The following LRP1B variants were observed in gnomAD, a reference collection of about 807,000 sequenced individuals.
The protein encoded by LRP1B is low-density lipoprotein receptor-related protein 1B.
In LRP1B, 217 loss-of-function variants were observed where a neutral mutation model predicts 556.6. That is an observed-to-expected ratio of 0.39 (90% confidence interval 0.35 to 0.44). The LOEUF (loss-of-function observed/expected upper bound fraction) is 0.44, where lower values mean the gene tolerates loss of function less well. Ranked by LOEUF, LRP1B falls within the 20% of genes least tolerant of loss-of-function variation. The pLI is 1.00. For synonymous variants in LRP1B, 2,047 were observed against 1,865.8 expected (o/e 1.10, Z -2.50); for missense variants, 5,053 against 5,620.8 (o/e 0.90, Z 3.23).
At chr2:141,444,839 T>C (rs1026269758) in intron 3 of LRP1B, among the ~76,000 whole-genome samples, 1 of 152,240 alleles carries the variant, frequency 6.6e-6, no homozygotes, top group Non-Finnish European at 1.5e-5. Context: ...CAGTATTTTA[T>C]TGAGGATTTT....
At position 141,240,235 on chromosome 2, in the gene LRP1B, C is replaced by G. The variant is rs111605290; in HGVS notation, c.592+6991G>C. 2.2e-3 allele frequency among the ~76,000 whole-genome samples: 342 copies of G among 152,222 alleles called. 4 individuals carry two copies. The highest frequency in any genetic ancestry group is 7.4e-3 in the African/African-American group (308 of 41,568). Reference sequence around the variant, plus strand: ...TATCTCTGTCAAAGGCAATTATGCTCTCCAGGGGAAGGAGTGCCCAAAGGG... The same window carrying G: ...TATCTCTGTCAAAGGCAATTATGCTGTCCAGGGGAAGGAGTGCCCAAAGGG... On this transcript the variant is annotated intron_variant, in intron 5 of 90. Coordinates refer to ENST00000389484, the MANE Select transcript of LRP1B (RefSeq NM_018557.3).
chr2:140,598,906 G>A, intron 42 of LRP1B, 71 bp from the exon 43 acceptor site: 1 of 921,544 alleles, frequency 1.1e-6, no homozygotes, highest in South Asian at 1.5e-5. Flanking sequence ...TAGAAACATG[G>A]CAATACCAAG....
intron 35 of LRP1B, among the ~76,000 whole-genome samples, chr2:140,752,212 G>T (rs1029468951): frequency 6.6e-6 from 1 of 152,006 alleles, no homozygotes; most frequent in East Asian, 1.9e-4. Context: ...TACTAAGAAG[G>T]CTGAGGCAGA....
intron 7 of LRP1B, among the ~76,000 whole-genome samples, chr2:141,074,557 T>TCTC (rs1699731136): frequency 3.0e-5 from 3 of 99,200 alleles, no homozygotes; most frequent in African/African-American, 1.0e-4. Flanking sequence ...TTCTTTCTCT[T>TCTC]TCTGTCTCTC....
intron 82 of LRP1B, among the ~76,000 whole-genome samples, chr2:140,317,951 T>C (rs1289171827): frequency 6.7e-6 from 1 of 149,552 alleles, no homozygotes; most frequent in Non-Finnish European, 1.5e-5. Flanking sequence ...GCTGCTTTTG[T>C]CAATAACTAA....
intron 1 of LRP1B, among the ~76,000 whole-genome samples, chr2:141,913,287 C>A (rs1337611492): frequency 6.6e-6 from 1 of 151,926 alleles, no homozygotes; most frequent in Non-Finnish European, 1.5e-5. Flanking sequence ...TTGATTGGAC[C>A]CTGGTTGAAT....
chr2:140,889,935 C>A (rs1693749304), intron 23 of LRP1B, among the ~76,000 whole-genome samples: 1 of 152,082 alleles, frequency 6.6e-6, no homozygotes, highest in South Asian at 2.1e-4. Context: ...AACTTGTGTA[C>A]ATTTTCATAT....
chr2:141,987,116 A>G (rs1702213502), intron 1 of LRP1B, among the ~76,000 whole-genome samples: 1 of 150,976 alleles, frequency 6.6e-6, no homozygotes, highest in African/African-American at 2.4e-5. Context: ...CTTTATCTCC[A>G]GCATGAAACA....
intron 41 of LRP1B, among the ~76,000 whole-genome samples, chr2:140,682,899 C>T (rs553854113): frequency 2.6e-5 from 4 of 152,250 alleles, no homozygotes; most frequent in South Asian, 2.1e-4. Context: ...TTCAGATATA[C>T]ATTTCAGAAA....
Position 140,409,109 on chromosome 2 carries a change from G to T in LRP1B, c.10415-23100C>A, listed in dbSNP as rs115476582. Among the ~76,000 whole-genome samples the T allele has an allele frequency of 2.1e-3, 315 of 152,028 alleles. 1 individual carries two copies. Among genetic ancestry groups the T allele is most frequent in the Middle Eastern group, 6.8e-3 (2 of 294 alleles). ...ATTAAAAATGGAGATTTGAAGGATT[G>T]CTAAAGGATTACAACATAGAGAAAT... On this transcript the variant is annotated intron_variant, in intron 66 of 90. Coordinates refer to ENST00000389484, the MANE Select transcript of LRP1B (RefSeq NM_018557.3).
At chr2:140,805,977 G>A in intron 32 of LRP1B, among the ~76,000 whole-genome samples, 1 of 152,022 alleles carries the variant, frequency 6.6e-6, no homozygotes, top group East Asian at 1.9e-4. Context: ...ATTGAAGAGT[G>A]GGATCTTTGG....
At chr2:140,822,548 A>C (rs903477282) in intron 31 of LRP1B, among the ~76,000 whole-genome samples, 2 of 152,248 alleles carry the variant, frequency 1.3e-5, no homozygotes, top group African/African-American at 4.8e-5. Flanking sequence ...TTGCCATTTC[A>C]AAGCAATTAA....
At chr2:141,407,553 G>A (rs1690687435) in intron 3 of LRP1B, among the ~76,000 whole-genome samples, 1 of 152,076 alleles carries the variant, frequency 6.6e-6, no homozygotes, top group African/African-American at 2.4e-5. Context: ...GGTGGTAAGT[G>A]AGCACTCTCT....
chr2:141,246,539 T>A (rs563793209), intron 5 of LRP1B, among the ~76,000 whole-genome samples: 1 of 152,354 alleles, frequency 6.6e-6, no homozygotes, highest in East Asian at 1.9e-4. Flanking sequence ...ATTATATAAA[T>A]AATTAATTTT....
At chr2:141,091,536 G>T (rs1448563139) in intron 7 of LRP1B, among the ~76,000 whole-genome samples, 1 of 152,072 alleles carries the variant, frequency 6.6e-6, no homozygotes, top group Non-Finnish European at 1.5e-5. Context: ...CCAAAGTTGT[G>T]CACGTGAGGT....
At chr2:140,722,935 C>A (rs913568007) in intron 35 of LRP1B, among the ~76,000 whole-genome samples, 1 of 151,896 alleles carries the variant, frequency 6.6e-6, no homozygotes, top group Non-Finnish European at 1.5e-5. Context: ...CCCAGCTACT[C>A]GGGAGGCTGA....
chr2:141,511,364 C>T lies in LRP1B; in HGVS notation c.206-30831G>A, dbSNP rs116242027. Among the ~76,000 whole-genome samples the T allele has an allele frequency of 1.6e-3, 244 of 152,192 alleles. 1 individual carries two copies. The highest frequency in any genetic ancestry group is 5.4e-3 in the African/African-American group (225 of 41,540). On this transcript the variant is annotated intron_variant, in intron 2 of 90. Transcript: ENST00000389484. ...TCTTCCTCACAGACAACATCCTAAC[C>T]GGTGAAGGATTTTCACTTAATCACA...
intron 2 of LRP1B, among the ~76,000 whole-genome samples, chr2:141,680,318 G>A (rs1406258096): frequency 2.0e-5 from 3 of 151,998 alleles, no homozygotes; most frequent in South Asian, 4.1e-4. Flanking sequence ...TTTTTATTAC[G>A]TTTTAAATAG....
At chr2:140,903,637 CT>C (rs1694165583) in intron 22 of LRP1B, among the ~76,000 whole-genome samples, 1 of 151,792 alleles carries the variant, frequency 6.6e-6, no homozygotes, top group Admixed American at 6.6e-5. Context: ...GTCTATATAT[CT>C]TTTGCAACAC....
Sources: gnomAD v4.1 joint callset for allele counts (sites outside exome capture counted in the v4.1 genomes callset) on GRCh38, gnomAD v4.1.1 for gene constraint, MANE v1.5 for transcripts, NCBI Gene and HGNC (gene_info 2026-07-23, HGNC 2026-07-21) for gene names.